The following CACNB2 variants were observed in gnomAD, a reference collection of about 807,000 sequenced individuals.
The protein encoded by CACNB2 is calcium voltage-gated channel auxiliary subunit beta 2.
CACNB2 carries 42 observed loss-of-function variants against 73.3 expected under a neutral mutation model. That is an observed-to-expected ratio of 0.57 (90% CI 0.45 to 0.74). CACNB2 has a LOEUF of 0.74. CACNB2 is among the 30% of genes least tolerant of loss of function. The pLI is 0.00. For synonymous variants in CACNB2, 348 were observed against 310.3 expected (o/e 1.12, Z -1.28); for missense variants, 940 against 853.0 (o/e 1.10, Z -1.27).
At chr10:18,438,492 C>T (rs914278579) in intron 3 of CACNB2, among the ~76,000 whole-genome samples, 1 of 152,196 alleles carries the variant, frequency 6.6e-6, no homozygotes, top group Non-Finnish European at 1.5e-5. Flanking sequence ...CAAGGCCCAA[C>T]AGCCAATGGG....
At chr10:18,324,630 A>C (rs2040513642) in intron 2 of CACNB2, among the ~76,000 whole-genome samples, 1 of 152,234 alleles carries the variant, frequency 6.6e-6, no homozygotes, top group South Asian at 2.1e-4. Flanking sequence ...AAGTGGGTGG[A>C]TCTCTTCTTA....
chr10:18,194,139 A>T (rs1219956389), intron 2 of CACNB2, among the ~76,000 whole-genome samples: 1 of 152,090 alleles, frequency 6.6e-6, no homozygotes, highest in African/African-American at 2.4e-5. Flanking sequence ...CTCTGAGCTC[A>T]CTGCTGTGGT....
chr10:18,303,745 G>A (rs930909393), intron 2 of CACNB2, among the ~76,000 whole-genome samples: 2 of 152,118 alleles, frequency 1.3e-5, no homozygotes, highest in East Asian at 1.9e-4. Context: ...CGTGTCCAGC[G>A]CTGCCCTTGA....
chr10:18,143,140 A>G (rs1306593321), intron 1 of CACNB2, among the ~76,000 whole-genome samples: 1 of 152,244 alleles, frequency 6.6e-6, no homozygotes, highest in African/African-American at 2.4e-5. Context: ...TTGAGACTAC[A>G]TCTTGGGGAC....
At chr10:18,375,569 A>G (rs2042764070) in intron 2 of CACNB2, among the ~76,000 whole-genome samples, 1 of 152,198 alleles carries the variant, frequency 6.6e-6, no homozygotes, top group Non-Finnish European at 1.5e-5. Flanking sequence ...ATAGAAGGCA[A>G]TATTTGTCAC....
intron 3 of CACNB2, among the ~76,000 whole-genome samples, chr10:18,443,008 A>G (rs57143847): frequency 0.03 from 920 of 31,082 alleles, 146 homozygotes; most frequent in Non-Finnish European, 0.041. Context: ...GTGTATATAT[A>G]TATATGTATA....
At chr10:18,262,878 T>G (rs1031635063) in intron 2 of CACNB2, among the ~76,000 whole-genome samples, 4 of 152,168 alleles carry the variant, frequency 2.6e-5, no homozygotes, top group African/African-American at 4.8e-5. Context: ...AACATGTAAA[T>G]AAATAGAAAG....
intron 2 of CACNB2, among the ~76,000 whole-genome samples, chr10:18,259,301 C>T (rs1006202229): frequency 1.4e-4 from 22 of 151,920 alleles, no homozygotes; most frequent in African/African-American, 5.1e-4. Flanking sequence ...CATGGTGACT[C>T]ACACTTGTAA....
chr10:18,259,059 T>C (rs1451135448), intron 2 of CACNB2, among the ~76,000 whole-genome samples: 2 of 152,222 alleles, frequency 1.3e-5, no homozygotes, highest in Non-Finnish European at 2.9e-5. Context: ...TTAACTAGTA[T>C]ATGATAGGAC....
rs1364696582 is a variant in CACNB2 at position 18,359,511 on chromosome 10, T to C, written c.214-42413T>C. 2.6e-5 allele frequency among the ~76,000 whole-genome samples: 4 copies of C among 152,108 alleles called. No individual in the cohort carries two copies. The East Asian group carries it at 7.7e-4, about 29-fold the overall frequency. On this transcript the variant is annotated intron_variant, in intron 2 of 13. Coordinates refer to ENST00000324631, the MANE Select transcript of CACNB2 (RefSeq NM_201596.3). The stretch of plus-strand genomic sequence containing the variant: ...CTCGTCTTGAATTCCTGACCTAAAG[T>C]GATCCACCCACCTTGGCCTCCCAAA...
intron 3 of CACNB2, among the ~76,000 whole-genome samples, chr10:18,435,796 G>T (rs1370121614): frequency 1.3e-5 from 2 of 151,838 alleles, no homozygotes; most frequent in Non-Finnish European, 2.9e-5. Context: ...CACTCCACCT[G>T]CCCCCCAACC....
intron 3 of CACNB2, among the ~76,000 whole-genome samples, chr10:18,462,912 C>T (rs1044074650): frequency 1.1e-4 from 16 of 152,066 alleles, no homozygotes; most frequent in Non-Finnish European, 2.2e-4. Context: ...GTGTGTGCCA[C>T]CACGCCCAGC....
At chr10:18,442,942 G>GTATATATATA (rs1564553339) in intron 3 of CACNB2, among the ~76,000 whole-genome samples, 1 of 33,904 alleles carries the variant, frequency 2.9e-5, no homozygotes, top group Non-Finnish European at 4.8e-5. Flanking sequence ...ATATATATAT[G>GTATATATATA]TGTATATATA....
chr10:18,232,972 A>G (rs2036279458), intron 2 of CACNB2, among the ~76,000 whole-genome samples: 1 of 152,152 alleles, frequency 6.6e-6, no homozygotes, highest in African/African-American at 2.4e-5. Flanking sequence ...CTGTAATCCC[A>G]GCTACTTTGG....
At chr10:18,410,934 C>T (rs1193623077) in intron 3 of CACNB2, among the ~76,000 whole-genome samples, 1 of 152,098 alleles carries the variant, frequency 6.6e-6, no homozygotes, top group Non-Finnish European at 1.5e-5. Context: ...GAGCTGAGAT[C>T]ACGCCACTGC....
chr10:18,427,827 A>G (rs1004037336), intron 3 of CACNB2, among the ~76,000 whole-genome samples: 1 of 151,850 alleles, frequency 6.6e-6, no homozygotes, highest in Admixed American at 6.6e-5. Context: ...CCTTCTCTCA[A>G]TTTTTACTCA....
At chr10:18,289,805 T>G (rs1025968451) in intron 2 of CACNB2, among the ~76,000 whole-genome samples, 1 of 152,134 alleles carries the variant, frequency 6.6e-6, no homozygotes, top group African/African-American at 2.4e-5. Flanking sequence ...TTATAAAATT[T>G]TACTCCAAAA....
At chr10:18,272,568 G>T (rs772900289) in intron 2 of CACNB2, among the ~76,000 whole-genome samples, 1 of 152,170 alleles carries the variant, frequency 6.6e-6, no homozygotes, top group Admixed American at 6.5e-5. Context: ...TAATCCCCAC[G>T]AGTCATGGGA....
At chr10:18,163,120 G>A (rs991352082) in intron 2 of CACNB2, among the ~76,000 whole-genome samples, 30 of 152,092 alleles carry the variant, frequency 2.0e-4, no homozygotes, top group Admixed American at 2.0e-3. Flanking sequence ...GGAAAATCAA[G>A]CATCGTAAAG....
Sources: gnomAD v4.1 joint callset for allele counts (sites outside exome capture counted in the v4.1 genomes callset) on GRCh38, gnomAD v4.1.1 for gene constraint, MANE v1.5 for transcripts, NCBI Gene and HGNC (gene_info 2026-07-23, HGNC 2026-07-21) for gene names.